The following CUL1 variants were observed in gnomAD, a reference collection of about 807,000 sequenced individuals.
The protein encoded by CUL1 is cullin-1.
A neutral mutation model predicts 118.0 loss-of-function variants in CUL1; 24 were observed. That is an observed-to-expected ratio of 0.20 (90% CI 0.15 to 0.29). CUL1 has a LOEUF of 0.29. CUL1 is among the 10% of genes least tolerant of loss of function. CUL1 has a pLI of 1.00. For synonymous variants in CUL1, 332 were observed against 340.4 expected (o/e 0.98, Z 0.27); for missense variants, 361 against 933.8 (o/e 0.39, Z 7.99).
At position 148,730,019 on chromosome 7, in the gene CUL1, T is replaced by C; in HGVS notation, c.-104T>C. Reference sequence around the variant, plus strand: ...TTAAAGGACATCCTTTCTGAGCTGCTGTGAATAAATTTGGAATGGTACTGT... The same window carrying C: ...TTAAAGGACATCCTTTCTGAGCTGCCGTGAATAAATTTGGAATGGTACTGT... On this transcript the variant is annotated 5_prime_UTR_variant, in exon 2 of 22. Coordinates refer to ENST00000325222, the MANE Select transcript of CUL1 (RefSeq NM_003592.3). 7.9e-7 allele frequency: 1 copy of C among 1,270,416 alleles called. No individual in the cohort carries two copies. The highest frequency in any genetic ancestry group is 2.4e-5 in the East Asian group (1 of 40,910). 78.7% of individuals were successfully genotyped at this position (1,270,416 alleles called of 1,614,324 possible). A position where few individuals can be genotyped will look rare whatever the true frequency, so the allele number is the denominator to read the frequency against.
rs373212855 is a variant in CUL1 at position 148,722,389 on chromosome 7, A to G, written c.-161-7573A>G. On this transcript the variant is annotated intron_variant, in intron 1 of 21. Coordinates refer to ENST00000325222, the MANE Select transcript of CUL1 (RefSeq NM_003592.3). ...TTGGACCTCTCTAGAGTCCTCATCC[A>G]TGAATGCGAAACTCCTCCATAGCCG... Among the ~76,000 whole-genome samples the G allele has an allele frequency of 6.9e-4, 105 of 152,222 alleles. 2 individuals are homozygous for G. The South Asian group carries it at 0.017, about 25-fold the overall frequency.
intron 1 of CUL1, among the ~76,000 whole-genome samples, chr7:148,717,569 C>T (rs1172368868): frequency 6.6e-6 from 1 of 151,996 alleles, no homozygotes; most frequent in Non-Finnish European, 1.5e-5. Context: ...GCCGTTATCT[C>T]GGTGTCACTT....
intron 1 of CUL1, among the ~76,000 whole-genome samples, chr7:148,699,901 G>A (rs1214683437): frequency 6.6e-6 from 1 of 152,118 alleles, no homozygotes; most frequent in Non-Finnish European, 1.5e-5. Context: ...CCCAGACTCG[G>A]GGGTCGTCGC....
intron 9 of CUL1, chr7:148,783,322 TG>T: frequency 6.1e-6 from 6 of 985,184 alleles, no homozygotes; most frequent in Non-Finnish European, 7.2e-6. Flanking sequence ...TTGCAGTGGG[TG>T]GGGGCCGCAG....
chr7:148,717,203 C>T (rs1375606660), intron 1 of CUL1, among the ~76,000 whole-genome samples: 1 of 152,028 alleles, frequency 6.6e-6, no homozygotes, highest in Non-Finnish European at 1.5e-5. Context: ...ATTACAGCCA[C>T]CTGCCACCAC....
intron 7 of CUL1, among the ~76,000 whole-genome samples, chr7:148,761,311 C>G (rs991047489): frequency 6.6e-6 from 1 of 152,072 alleles, no homozygotes; most frequent in East Asian, 1.9e-4. Context: ...AGTTTGAGAC[C>G]AGCCTGACCA....
At chr7:148,724,601 T>C (rs116087714) in intron 1 of CUL1, among the ~76,000 whole-genome samples, 2,026 of 152,246 alleles carry the variant, frequency 0.013, 55 homozygotes, top group African/African-American at 0.045. Context: ...TGATAATCCC[T>C]CTCCGGGGAT....
intron 1 of CUL1, among the ~76,000 whole-genome samples, chr7:148,703,571 C>T (rs1231122657): frequency 6.6e-6 from 1 of 151,788 alleles, no homozygotes; most frequent in African/African-American, 2.4e-5. Context: ...CTCACTCTGT[C>T]GCCCCCACTG....
At chr7:148,767,786 T>G in intron 9 of CUL1, 37 bp downstream of exon 9, 1 of 1,604,256 alleles carries the variant, frequency 6.2e-7, no homozygotes, top group African/African-American at 1.3e-5. Flanking sequence ...TCAGGCTGAT[T>G]ATTTCCACAT....
At chr7:148,736,099 G>A (rs1419238608) in intron 2 of CUL1, among the ~76,000 whole-genome samples, 1 of 151,866 alleles carries the variant, frequency 6.6e-6, no homozygotes. Context: ...ACTTGCGCCT[G>A]GGAGGTCGAG....
At chr7:148,755,476 C>T (rs1799625482) in intron 3 of CUL1, among the ~76,000 whole-genome samples, 1 of 152,230 alleles carries the variant, frequency 6.6e-6, no homozygotes, top group Non-Finnish European at 1.5e-5. Context: ...ATCTTGCTAA[C>T]AGACTGTATG....
At chr7:148,754,183 T>C in intron 3 of CUL1, 33 bp downstream of exon 3, 1 of 1,333,048 alleles carries the variant, frequency 7.5e-7, no homozygotes, top group Non-Finnish European at 1.0e-6. Context: ...TGAGTATTCA[T>C]AACAGGATAT....
chr7:148,722,780 T>C (rs1258004688), intron 1 of CUL1, among the ~76,000 whole-genome samples: 5 of 152,234 alleles, frequency 3.3e-5, no homozygotes, highest in African/African-American at 9.6e-5. Context: ...GTTCTAGTCA[T>C]TTGCAGGTGG....
At chr7:148,740,567 C>T (rs1799110553) in intron 2 of CUL1, among the ~76,000 whole-genome samples, 1 of 152,164 alleles carries the variant, frequency 6.6e-6, no homozygotes, top group Admixed American at 6.5e-5. Flanking sequence ...TATAAATTCA[C>T]CTATTCTGAA....
At chr7:148,732,024 G>A (rs1248526328) in intron 2 of CUL1, among the ~76,000 whole-genome samples, 1 of 152,232 alleles carries the variant, frequency 6.6e-6, no homozygotes, top group Non-Finnish European at 1.5e-5. Context: ...TCTCCAGGGT[G>A]TGTATGTAGG....
chr7:148,706,825 T>C (rs243539), intron 1 of CUL1, among the ~76,000 whole-genome samples: 64,485 of 151,886 alleles, frequency 0.42, 14,169 homozygotes, highest in African/African-American at 0.54. Flanking sequence ...TCTGCCTTAC[T>C]ACTCTACTTG....
intron 1 of CUL1, among the ~76,000 whole-genome samples, chr7:148,714,804 C>G (rs1798162262): frequency 6.6e-6 from 1 of 152,212 alleles, no homozygotes; most frequent in Non-Finnish European, 1.5e-5. Flanking sequence ...TTGCATACCT[C>G]CAGCTGAGAG....
chr7:148,758,841 CA>C (rs1799743904), intron 4 of CUL1, among the ~76,000 whole-genome samples: 1 of 151,990 alleles, frequency 6.6e-6, no homozygotes, highest in African/African-American at 2.4e-5. Context: ...ATGTGTACAC[CA>C]TGCCTTTTTG....
intron 2 of CUL1, among the ~76,000 whole-genome samples, chr7:148,738,290 C>T (rs962730771): frequency 1.3e-5 from 2 of 152,174 alleles, no homozygotes; most frequent in African/African-American, 4.8e-5. Context: ...ACACATGGTA[C>T]CTGGCACTGG....
Sources: gnomAD v4.1 joint callset for allele counts (sites outside exome capture counted in the v4.1 genomes callset) on GRCh38, gnomAD v4.1.1 for gene constraint, MANE v1.5 for transcripts, NCBI Gene and HGNC (gene_info 2026-07-23, HGNC 2026-07-21) for gene names.